Variants in KBTBD8 observed in about 807,000 individuals in gnomAD.
KBTBD8 encodes kelch repeat and BTB domain containing 8.
A neutral mutation model predicts 53.5 loss-of-function variants in KBTBD8; 31 were observed. That is an observed-to-expected ratio of 0.58 (90% CI 0.44 to 0.78). The LOEUF is 0.78. Ranked by LOEUF, KBTBD8 falls within the 30% of genes least tolerant of loss-of-function variation. The pLI is 0.00. For missense variants in KBTBD8, 642 were observed against 735.8 expected, an observed-to-expected ratio of 0.87 and a Z score of 1.48; for synonymous variants, 250 against 247.3, an observed-to-expected ratio of 1.01 and a Z score of -0.10.
In KBTBD8 at chr3:67,008,539, C is replaced by T. The variant is rs1430580015; in HGVS notation, c.*154C>T. On this transcript the variant is annotated 3_prime_UTR_variant, in exon 4 of 4. Coordinates refer to ENST00000417314, the MANE Select transcript of KBTBD8 (RefSeq NM_032505.3). ...GATTGCAGGGTAGGGAGGGATTTTCCTTCATCCTTGTGACATTTCATTTCA... is the reference window on the plus strand; with the variant it reads ...GATTGCAGGGTAGGGAGGGATTTTCTTTCATCCTTGTGACATTTCATTTCA... The T allele has an allele frequency of 1.9e-6, 1 of 539,412 alleles. No homozygotes were observed. Among genetic ancestry groups the T allele is most frequent in the East Asian group, 2.8e-5 (1 of 35,478 alleles). The allele number at this position is 539,412 out of a possible 1,614,324, so 33.4% of individuals were successfully genotyped here.
rs1702104389 is a variant in KBTBD8 at position 67,010,223 on chromosome 3, G to T, written c.*1838G>T. 3 of 152,374 alleles carry T rather than the reference G, an allele frequency of 2.0e-5. No individual in the cohort carries two copies. In the South Asian group the frequency reaches 6.2e-4, roughly 32 times the overall value. The allele number at this position is 152,374 out of a possible 1,614,324, so 9.4% of individuals were successfully genotyped here. A position where few individuals can be genotyped will look rare whatever the true frequency, so the allele number is the denominator to read the frequency against. On this transcript the variant is annotated 3_prime_UTR_variant, in exon 4 of 4. Transcript: ENST00000417314. ...TTTGGAGTTATTACTGTGTATTTTA[G>T]AAATCATTCTTTACAGTTTTGCATT...
In KBTBD8 at chr3:67,008,395, A is replaced by G. The variant is rs755431644; in HGVS notation, c.*10A>G. On this transcript the variant is annotated 3_prime_UTR_variant, in exon 4 of 4. Coordinates refer to ENST00000417314, the MANE Select transcript of KBTBD8 (RefSeq NM_032505.3). ...TCAGAAAGTACTCTAAATGAGTAGC[A>G]GGCCTTAGTGCATCACTGGCATCTC... 6.4e-7 allele frequency: 1 copy of G among 1,550,790 alleles called. No homozygotes were observed. Among genetic ancestry groups the G allele is most frequent in the Non-Finnish European group, 8.9e-7 (1 of 1,128,868 alleles).
In KBTBD8 at chr3:67,004,260, G is replaced by A. The variant is rs778735138; in HGVS notation, c.1293G>A (p.Met431Ile). The A allele has an allele frequency of 6.2e-7, 1 of 1,614,156 alleles. No homozygotes were observed. The highest frequency in any genetic ancestry group is 1.1e-5 in the South Asian group (1 of 91,090). ...WTTVCAMPVA[M>I]EFHNAVEYKE... ...CTGTTTGCGCGATGCCAGTTGCAAT[G>A]GAATTTCATAATGCTGTGGAGTACA... Residue 431 changes from methionine (M) to isoleucine (I), a missense_variant, in exon 3 of 4, where the codon ATG becomes ATA. By Grantham distance (10) the Met-to-Ile change is conservative. Transcript: ENST00000417314.
In KBTBD8 at chr3:67,003,790, G is replaced by A; in HGVS notation, c.823G>A (p.Gly275Ser). ...CVEKGPSNTN[G>S]CTQRLGMTAS... ...AGAAAAGGGACCATCCAACACCAAT[G>A]GCTGTACACAGAGGCTTGGAATGAC... The change falls in exon 3 of 4, where the codon GGC becomes AGC. Residue 275 changes from glycine (G) to serine (S), a missense_variant. Physicochemically the swap from Gly to Ser is moderately conservative, Grantham distance 56. Coordinates refer to ENST00000417314, the MANE Select transcript of KBTBD8 (RefSeq NM_032505.3). 6.2e-7 allele frequency: 1 copy of A among 1,614,106 alleles called. No individual in the cohort carries two copies. The highest frequency in any genetic ancestry group is 8.5e-7 in the Non-Finnish European group (1 of 1,180,018).
Position 67,008,750 on chromosome 3 carries a change from CTT to C in KBTBD8, c.*368_*369del, listed in dbSNP as rs1322441987. Reference sequence around the variant, plus strand: ...AGACGTCTAAACTTGTTTGATGTGACTTTTAATTTTAAATACGGGTAACAATC... The same window carrying C: ...AGACGTCTAAACTTGTTTGATGTGACTTAATTTTAAATACGGGTAACAATC... On this transcript the variant is annotated 3_prime_UTR_variant, in exon 4 of 4. Coordinates refer to ENST00000417314, the MANE Select transcript of KBTBD8 (RefSeq NM_032505.3). 1 of 186,534 alleles carries C rather than the reference CTT, an allele frequency of 5.4e-6. No individual in the cohort carries two copies. The highest frequency in any genetic ancestry group is 1.1e-5 in the Non-Finnish European group (1 of 87,954). 11.6% of individuals were successfully genotyped at this position (186,534 alleles called of 1,614,324 possible).
chr3:66,998,853 A>G (rs1701988209), intron 1 of KBTBD8, 128 bp from the exon 2 acceptor site: 2 of 719,494 alleles, frequency 2.8e-6, no homozygotes, highest in Non-Finnish European at 4.8e-6. Context: ...TCGTGCGTAT[A>G]TCCACAGACA....
chr3:67,007,585 C>T (rs1206285211), intron 3 of KBTBD8, among the ~76,000 whole-genome samples: 1 of 152,122 alleles, frequency 6.6e-6, no homozygotes, highest in South Asian at 2.1e-4. Context: ...TCCCAAAGTG[C>T]TGGGATTACA....
In KBTBD8 at chr3:67,006,800, T is replaced by A. The variant is rs148310018; in HGVS notation, c.1343-1122T>A. Among the ~76,000 whole-genome samples, 139 of 152,376 alleles carry A rather than the reference T, an allele frequency of 9.1e-4. 1 individual carries two copies. The highest frequency in any genetic ancestry group is 3.2e-4 in the Non-Finnish European group (22 of 68,032). On this transcript the variant is annotated intron_variant, in intron 3 of 3. Transcript: ENST00000417314. ...CCTGACATGCATAGTCAGAAGCTTA[T>A]GTTGTACTATCTGTGGCTATTGAAG...
In KBTBD8 at chr3:67,007,987, C is replaced by T. The variant is rs150800594; in HGVS notation, c.1408C>T (p.Pro470Ser). Residue 470 changes from proline (P) to serine (S), a missense_variant, in exon 4 of 4, where the codon CCT becomes TCT. Coordinates refer to ENST00000417314, the MANE Select transcript of KBTBD8 (RefSeq NM_032505.3). ...GGGTTTCTTAACCCCCATGACTGTGCCTAGAATCCAGGGCTTAGCAGCTGT... is the reference window on the plus strand; with the variant it reads ...GGGTTTCTTAACCCCCATGACTGTGTCTAGAATCCAGGGCTTAGCAGCTGT... ...YWGFLTPMTV[P>S]RIQGLAAVYK... 5.0e-6 allele frequency: 8 copies of T among 1,613,012 alleles called. No individual in the cohort carries two copies. In the African/African-American group the frequency reaches 9.4e-5, roughly 19 times the overall value.
Position 67,003,668 on chromosome 3 carries a change from A to C in KBTBD8, c.701A>C (p.Glu234Ala), listed in dbSNP as rs1702037794. The C allele has an allele frequency of 6.2e-7, 1 of 1,614,174 alleles. No individual in the cohort carries two copies. The highest frequency in any genetic ancestry group is 8.5e-7 in the Non-Finnish European group (1 of 1,180,042). ...AATGAAAGAGAAGTGCACCTTCCAG[A>C]AATTTTTGCTAAATGCATACGTTTT... ...EQNEREVHLP[E>A]IFAKCIRFPL... The change falls in exon 3 of 4, where the codon GAA (glutamate) becomes GCA (alanine). Residue 234 changes from glutamate to alanine, a missense_variant. Coordinates refer to ENST00000417314, the MANE Select transcript of KBTBD8 (RefSeq NM_032505.3).
chr3:67,007,178 A>G (rs754484900), intron 3 of KBTBD8, among the ~76,000 whole-genome samples: 9 of 152,198 alleles, frequency 5.9e-5, no homozygotes, highest in Admixed American at 2.0e-4. Context: ...CACATTTATC[A>G]TGGCATATTT....
chr3:67,003,660 C>A lies in KBTBD8; in HGVS notation c.693C>A (p.His231Gln). The A allele has an allele frequency of 1.9e-6, 3 of 1,614,074 alleles. No individual in the cohort carries two copies. The highest frequency in any genetic ancestry group is 2.5e-6 in the Non-Finnish European group (3 of 1,180,022). The change falls in exon 3 of 4, where the codon CAC becomes CAA. Residue 231 changes from histidine to glutamine, a missense_variant. Transcript: ENST00000417314. ...FEHEQNEREV[H>Q]LPEIFAKCIR... ...ATGAACAGAATGAAAGAGAAGTGCA[C>A]CTTCCAGAAATTTTTGCTAAATGCA...
rs1359503555 is a variant in KBTBD8, at chr3:67,010,753, A to G, written c.*2368A>G. On this transcript the variant is annotated 3_prime_UTR_variant, in exon 4 of 4. Coordinates refer to ENST00000417314, the MANE Select transcript of KBTBD8 (RefSeq NM_032505.3). ...TTCATAGTGTGGTAAGACCTTAAGT[A>G]AAAGGCACAATGGGTACTACAGAAT... 1 of 136,458 alleles carries G rather than the reference A, an allele frequency of 7.3e-6. No homozygotes were observed. Among genetic ancestry groups the G allele is most frequent in the Non-Finnish European group, 1.7e-5 (1 of 58,518 alleles). 8.5% of individuals were successfully genotyped at this position (136,458 alleles called of 1,614,324 possible). A position where few individuals can be genotyped will look rare whatever the true frequency, so the allele number is the denominator to read the frequency against.
In KBTBD8 at chr3:67,004,191, A is replaced by G. The variant is rs1702044049; in HGVS notation, c.1224A>G (p.Leu408=). ...RVYEGDGRNS[L]KSVECYDSRE... ...ATGAAGGTGATGGGAGAAACTCACT[A>G]AAATCTGTTGAGTGCTACGACAGTA... is the stretch of plus-strand genomic sequence containing the variant. The change falls in exon 3 of 4, where the codon CTA becomes CTG. Residue 408 remains leucine, a synonymous_variant. Transcript: ENST00000417314. 6.2e-7 allele frequency: 1 copy of G among 1,614,232 alleles called. No homozygotes were observed. The highest frequency in any genetic ancestry group is 8.5e-7 in the Non-Finnish European group (1 of 1,180,028).
chr3:67,002,512 C>T (rs114806309), intron 2 of KBTBD8, among the ~76,000 whole-genome samples: 125 of 90,252 alleles, frequency 1.4e-3, no homozygotes, highest in African/African-American at 1.4e-3. Flanking sequence ...TATAGGTATT[C>T]TTTTTTTTTT....
At position 67,003,344 on chromosome 3, in the gene KBTBD8, C is replaced by A; in HGVS notation, c.377C>A (p.Ala126Glu). ...TEANVQALFT[A>E]ASIFQIPSIQ... The stretch of plus-strand genomic sequence containing the variant: ...GCCAATGTTCAAGCCTTGTTCACTG[C>A]AGCTAGCATCTTCCAGATTCCTTCC... Residue 126 changes from alanine (A) to glutamate (E), a missense_variant, in exon 3 of 4, where the codon GCA (alanine) becomes GAA (glutamate). Ala to Glu is a moderately radical substitution (Grantham distance 107). Coordinates refer to ENST00000417314, the MANE Select transcript of KBTBD8 (RefSeq NM_032505.3). The A allele has an allele frequency of 6.2e-7, 1 of 1,614,196 alleles. No homozygotes were observed. The highest frequency in any genetic ancestry group is 8.5e-7 in the Non-Finnish European group (1 of 1,180,030).
At chr3:67,004,450 C>T in intron 3 of KBTBD8, 141 bp downstream of exon 3, 1 of 742,082 alleles carries the variant, frequency 1.3e-6, no homozygotes. Context: ...ACAGTCTGTT[C>T]TGTAAAGAGC....
chr3:66,998,771 G>T (rs1336872330), intron 1 of KBTBD8, among the ~76,000 whole-genome samples: 1 of 152,220 alleles, frequency 6.6e-6, no homozygotes, highest in Admixed American at 6.5e-5. Flanking sequence ...GAGCAGGCTG[G>T]CCTTTGAACT....
chr3:67,008,306 A>T lies in KBTBD8; in HGVS notation c.1727A>T (p.Asp576Val), dbSNP rs1702087923. The change falls in exon 4 of 4, where the codon GAT (aspartate) becomes GTT (valine). Residue 576 changes from aspartate (D) to valine (V), a missense_variant. Coordinates refer to ENST00000417314, the MANE Select transcript of KBTBD8 (RefSeq NM_032505.3). ...DQWMKVYETP[D>V]RLWDLGRHFE... ...TGGATGAAAGTGTATGAGACCCCAGATCGGCTCTGGGACCTTGGCCGGCAT... is the reference window on the plus strand; with the variant it reads ...TGGATGAAAGTGTATGAGACCCCAGTTCGGCTCTGGGACCTTGGCCGGCAT... The T allele has an allele frequency of 1.2e-6, 2 of 1,613,612 alleles. No individual in the cohort carries two copies. Among genetic ancestry groups the T allele is most frequent in the Admixed American group, 3.3e-5 (2 of 59,984 alleles).
Sources: allele counts gnomAD v4.1 joint callset (sites outside exome capture counted in the v4.1 genomes callset), GRCh38; gene constraint gnomAD v4.1.1; transcripts MANE v1.5; gene names NCBI Gene and HGNC (gene_info 2026-07-23, HGNC 2026-07-21).